Variants in PIP5K1B observed in about 807,000 individuals in gnomAD.
PIP5K1B encodes the protein phosphatidylinositol 4-phosphate 5-kinase type-1 beta.
Under a neutral mutation model 67.0 loss-of-function variants are expected in PIP5K1B, and 42 were observed. The observed-to-expected ratio is 0.63, with a 90% CI of 0.49 to 0.81. PIP5K1B has a LOEUF of 0.81. Among genes scored for constraint, PIP5K1B ranks in the 30% least tolerant of loss-of-function variants. The pLI is 0.00. For missense variants in PIP5K1B, 459 were observed against 646.3 expected (o/e 0.71, Z 3.14); for synonymous variants, 214 against 231.4 (o/e 0.92, Z 0.68).
chr9:68,736,121 A>G (rs930324197), intron 1 of PIP5K1B, among the ~76,000 whole-genome samples: 1 of 152,164 alleles, frequency 6.6e-6, no homozygotes, highest in Non-Finnish European at 1.5e-5. Context: ...GTTGGGCTAT[A>G]GAGGTCCTTG....
At chr9:68,998,295 T>G (rs1040264913) in intron 15 of PIP5K1B, among the ~76,000 whole-genome samples, 12 of 152,148 alleles carry the variant, frequency 7.9e-5, no homozygotes, top group African/African-American at 2.9e-4. Flanking sequence ...CCTCAAGCGA[T>G]CCGCCCACCT....
At chr9:68,835,747 T>G (rs1206684322) in intron 4 of PIP5K1B, among the ~76,000 whole-genome samples, 2 of 152,132 alleles carry the variant, frequency 1.3e-5, no homozygotes, top group African/African-American at 2.4e-5. Flanking sequence ...GGAAGGTTGT[T>G]TCAAAAAGCA....
intron 3 of PIP5K1B, among the ~76,000 whole-genome samples, chr9:68,820,153 G>A (rs1238439327): frequency 2.0e-5 from 3 of 152,104 alleles, no homozygotes; most frequent in Non-Finnish European, 4.4e-5. Flanking sequence ...TACTGGAATG[G>A]CATTCTTTAG....
intron 4 of PIP5K1B, among the ~76,000 whole-genome samples, chr9:68,862,377 T>G (rs1171321264): frequency 6.6e-6 from 1 of 152,178 alleles, no homozygotes; most frequent in African/African-American, 2.4e-5. Flanking sequence ...TCATTAAGAA[T>G]GGATTGATTA....
chr9:68,906,336 C>T (rs1162328232), intron 8 of PIP5K1B, among the ~76,000 whole-genome samples: 1 of 152,144 alleles, frequency 6.6e-6, no homozygotes, highest in African/African-American at 2.4e-5. Context: ...GTGTTTTGAT[C>T]GAGCAAGGAT....
At chr9:68,903,385 G>A (rs1825458145) in intron 8 of PIP5K1B, among the ~76,000 whole-genome samples, 1 of 152,224 alleles carries the variant, frequency 6.6e-6, no homozygotes. Flanking sequence ...TTGTGAATTT[G>A]TGGATTAATT....
At chr9:69,003,741 A>G (rs1455683379) in intron 15 of PIP5K1B, among the ~76,000 whole-genome samples, 1 of 152,188 alleles carries the variant, frequency 6.6e-6, no homozygotes, top group Admixed American at 6.5e-5. Context: ...CTAGGAAAAA[A>G]GTTTCTTGGA....
intron 13 of PIP5K1B, among the ~76,000 whole-genome samples, chr9:68,939,963 AC>A (rs1354562357): frequency 1.3e-5 from 2 of 152,240 alleles, no homozygotes; most frequent in Admixed American, 1.3e-4. Flanking sequence ...GGCAGGGGTT[AC>A]TGCCCAGCCT....
intron 2 of PIP5K1B, chr9:68,784,424 C>G (rs1184270323): frequency 6.0e-6 from 1 of 166,962 alleles, no homozygotes; most frequent in Non-Finnish European, 1.5e-5. Flanking sequence ...ATCATTAACT[C>G]CAAGGCTGCT....
At chr9:68,974,579 C>T (rs114048131) in intron 14 of PIP5K1B, among the ~76,000 whole-genome samples, 1,657 of 152,280 alleles carry the variant, frequency 0.011, 33 homozygotes, top group African/African-American at 0.037. Flanking sequence ...GGACAGGTGT[C>T]GACCTGTATA....
chr9:68,894,314 A>G (rs757277276), intron 7 of PIP5K1B, 25 bp from the exon 8 acceptor site: 4 of 1,434,910 alleles, frequency 2.8e-6, no homozygotes, highest in Non-Finnish European at 3.9e-6. Flanking sequence ...GATTGTAAAT[A>G]TATTTTTCTT....
At chr9:68,932,221 T>A (rs1028359485) in intron 12 of PIP5K1B, among the ~76,000 whole-genome samples, 1 of 152,204 alleles carries the variant, frequency 6.6e-6, no homozygotes, top group Non-Finnish European at 1.5e-5. Flanking sequence ...AACCTTTTGA[T>A]CATTGCTGTT....
intron 6 of PIP5K1B, among the ~76,000 whole-genome samples, chr9:68,888,224 C>T (rs927426245): frequency 4.6e-5 from 7 of 152,100 alleles, no homozygotes; most frequent in East Asian, 1.9e-4. Flanking sequence ...GTCATCCACC[C>T]GCCTCAGCCT....
intron 14 of PIP5K1B, 176 bp downstream of exon 14, chr9:68,940,966 G>A: frequency 1.4e-6 from 1 of 704,168 alleles, no homozygotes. Context: ...ACATTGGAGG[G>A]AAAACCCTCA....
At position 68,917,756 on chromosome 9, in the gene PIP5K1B, A is replaced by T; in HGVS notation, c.980A>T (p.Asp327Val). ...SGDGIITENPDTMGGIPAKSH... is the reference protein window; with the variant it reads ...SGDGIITENPVTMGGIPAKSH... ...GATGGGATAATCACAGAGAACCCAGACACGTAAGTGCAGCCACACACCTAC... is the reference window on the plus strand; with the variant it reads ...GATGGGATAATCACAGAGAACCCAGTCACGTAAGTGCAGCCACACACCTAC... The change falls in exon 9 of 16, where the codon GAC becomes GTC. Residue 327 changes from aspartate to valine, a missense_variant. Asp to Val is a radical substitution (Grantham distance 152). Around this residue, in one of 2 missense-constraint regions of PIP5K1B, gnomAD observed 290 missense variants for 474.4 expected, o/e 0.61. Coordinates refer to ENST00000265382, the MANE Select transcript of PIP5K1B (RefSeq NM_003558.4). 1 of 1,612,246 alleles carries T rather than the reference A, an allele frequency of 6.2e-7. No homozygotes were observed.
chr9:68,991,661 C>T (rs1159194725), intron 15 of PIP5K1B, among the ~76,000 whole-genome samples: 1 of 152,166 alleles, frequency 6.6e-6, no homozygotes, highest in Non-Finnish European at 1.5e-5. Context: ...TGGGAAGAAC[C>T]CAAATTCAGT....
intron 14 of PIP5K1B, chr9:68,941,091 C>A: frequency 2.0e-6 from 1 of 496,220 alleles, no homozygotes; most frequent in African/African-American, 1.9e-5. Context: ...GAATGGGTTT[C>A]TTCAGAGTGA....
chr9:68,952,391 T>G (rs1457284547), intron 14 of PIP5K1B, among the ~76,000 whole-genome samples: 2 of 152,216 alleles, frequency 1.3e-5, no homozygotes, highest in Admixed American at 6.5e-5. Flanking sequence ...AATGTTACTT[T>G]GGGGCCTCTC....
At chr9:68,720,778 A>G (rs1164921521) in intron 1 of PIP5K1B, among the ~76,000 whole-genome samples, 1 of 152,188 alleles carries the variant, frequency 6.6e-6, no homozygotes, top group Non-Finnish European at 1.5e-5. Context: ...CGCTTTAAGC[A>G]ATTGTAATAC....
Sources: allele counts gnomAD v4.1 joint callset (sites outside exome capture counted in the v4.1 genomes callset), GRCh38; gene constraint gnomAD v4.1.1; regional missense constraint gnomAD v4.1.1; transcripts MANE v1.5; gene names NCBI Gene and HGNC (gene_info 2026-07-23, HGNC 2026-07-21).